CLEC2A: variants seen among roughly 807,000 people sequenced by gnomAD.
The protein encoded by CLEC2A is C-type lectin domain family 2 member A.
Under a neutral mutation model 18.6 loss-of-function variants are expected in CLEC2A, and 19 were observed. That is an observed-to-expected ratio of 1.02 (90% CI 0.71 to 1.50). The LOEUF is 1.50. Ranked by LOEUF, CLEC2A falls within the 40% of genes most tolerant of loss-of-function variation. CLEC2A has a pLI of 0.00. For missense variants in CLEC2A, 190 were observed against 207.9 expected (o/e 0.91, Z 0.53); for synonymous variants, 74 against 64.0 (o/e 1.16, Z -0.75).
chr12:9,924,928 A>G (rs1396128243), intron 2 of CLEC2A, among the ~76,000 whole-genome samples: 1 of 152,244 alleles, frequency 6.6e-6, no homozygotes, highest in Non-Finnish European at 1.5e-5. Context: ...CCAGAAGGAA[A>G]GCAACATTCT....
rs1276293109 is a variant in CLEC2A at position 9,932,344 on chromosome 12, C to T, written c.-15G>A. ...GGATTAATCATGGCAAGGCGCTAAC[C>T]GATGGAGATCAGTAGGAGAGGACTA... On this transcript the variant is annotated 5_prime_UTR_variant, in exon 1 of 5. Transcript: ENST00000455827. The T allele has an allele frequency of 7.1e-6, 11 of 1,551,582 alleles. No homozygotes were observed. The highest frequency in any genetic ancestry group is 9.6e-6 in the Non-Finnish European group (11 of 1,146,866).
chr12:9,913,323 G>T lies in CLEC2A; in HGVS notation c.*243C>A. 2.1e-6 allele frequency: 1 copy of T among 475,418 alleles called. No individual in the cohort carries two copies. The highest frequency in any genetic ancestry group is 3.4e-6 in the Non-Finnish European group (1 of 297,242). 29.4% of individuals were successfully genotyped at this position (475,418 alleles called of 1,614,324 possible). A position where few individuals can be genotyped will look rare whatever the true frequency, so the allele number is the denominator to read the frequency against. Reference sequence around the variant, plus strand: ...GGGATGGAGCCATCCATCAGGAGGTGATTAGTTCATGAGGATGGAGCCATA... The same window carrying T: ...GGGATGGAGCCATCCATCAGGAGGTTATTAGTTCATGAGGATGGAGCCATA... On this transcript the variant is annotated 3_prime_UTR_variant, in exon 5 of 5. Transcript: ENST00000455827.
At chr12:9,923,249 C>T (rs1259843857) in intron 2 of CLEC2A, among the ~76,000 whole-genome samples, 1 of 151,958 alleles carries the variant, frequency 6.6e-6, no homozygotes, top group Non-Finnish European at 1.5e-5. Context: ...AAAAACAATC[C>T]CATCAAAAAG....
downstream of CLEC2A, among the ~76,000 whole-genome samples, chr12:9,909,095 A>T (rs1165494444): frequency 6.6e-6 from 1 of 152,148 alleles, no homozygotes; most frequent in Admixed American, 6.5e-5. Flanking sequence ...AAGCTTTAAC[A>T]TTCCTTGTCC....
At chr12:9,891,683 T>C in the CLEC2A span, among the ~76,000 whole-genome samples, 1 of 152,182 alleles carries the variant, frequency 6.6e-6, no homozygotes, top group Non-Finnish European at 1.5e-5. Context: ...TTTTTTTAAA[T>C]TACAATTTTT....
intron 4 of CLEC2A, among the ~76,000 whole-genome samples, chr12:9,904,912 A>G (rs1376694699): frequency 6.6e-6 from 1 of 152,190 alleles, no homozygotes; most frequent in Non-Finnish European, 1.5e-5. Flanking sequence ...TCCAGTCACC[A>G]CAGGGACTTT....
chr12:9,894,057 T>C (rs758307163), downstream of CLEC2A, among the ~76,000 whole-genome samples: 39 of 152,104 alleles, frequency 2.6e-4, no homozygotes, highest in Non-Finnish European at 5.4e-4. Context: ...TTTCTTTCTC[T>C]TTCTCTTTTT....
At chr12:9,893,134 C>A in the CLEC2A span, 3 of 1,534,544 alleles carry the variant, frequency 2.0e-6, no homozygotes, top group Non-Finnish European at 2.6e-6. Context: ...CAGCTACAGG[C>A]ACATTTACTG....
chr12:9,899,351 T>G (rs1269869181), intron 4 of CLEC2A, among the ~76,000 whole-genome samples: 1 of 152,054 alleles, frequency 6.6e-6, no homozygotes, highest in Non-Finnish European at 1.5e-5. Context: ...TCCCGTAGTA[T>G]GGAGACACAA....
At chr12:9,882,297 T>C in the CLEC2A span, among the ~76,000 whole-genome samples, 1 of 152,164 alleles carries the variant, frequency 6.6e-6, no homozygotes, top group Non-Finnish European at 1.5e-5. Context: ...AACATTCTCG[T>C]GTACAATCTC....
intron 3 of CLEC2A, among the ~76,000 whole-genome samples, chr12:9,921,205 C>A (rs1863167391): frequency 6.6e-6 from 1 of 152,178 alleles, no homozygotes; most frequent in South Asian, 2.1e-4. Context: ...GTTGAGCACA[C>A]ATTGTCATAC....
At chr12:9,902,802 T>G (rs1033100459) in intron 4 of CLEC2A, among the ~76,000 whole-genome samples, 1 of 152,128 alleles carries the variant, frequency 6.6e-6, no homozygotes, top group Non-Finnish European at 1.5e-5. Context: ...AGTAAGGGTT[T>G]TTATTCCTAA....
intron 4 of CLEC2A, among the ~76,000 whole-genome samples, chr12:9,906,029 T>TG (rs1011831143): frequency 6.6e-6 from 1 of 151,320 alleles, no homozygotes; most frequent in African/African-American, 2.4e-5. Flanking sequence ...AGTTTTGTTT[T>TG]TTTTTTTTTT....
chr12:9,922,354 C>T (rs967166541), intron 2 of CLEC2A, 122 bp from the exon 3 acceptor site: 4 of 670,662 alleles, frequency 6.0e-6, no homozygotes, highest in Admixed American at 3.6e-5. Flanking sequence ...AGCTTCCCCC[C>T]TCCCCAGAAT....
At chr12:9,893,575 G>A in the CLEC2A span, 4 of 792,170 alleles carry the variant, frequency 5.0e-6, no homozygotes, top group South Asian at 5.8e-5. Flanking sequence ...GGGTGCTAAT[G>A]TTTATAGAAT....
At position 9,923,762 on chromosome 12, in the gene CLEC2A, G is replaced by GGGC. The variant is rs1863214629; in HGVS notation, c.140-1531_140-1530insGCC. The stretch of plus-strand genomic sequence containing the variant: ...ACTATGCAGCCTTAAAAAAGGATGA[G>GGGC]TTCATGTCCTTTGTAGGGACATGGA... On this transcript the variant is annotated intron_variant, in intron 2 of 4. Coordinates refer to ENST00000455827, the MANE Select transcript of CLEC2A (RefSeq NM_001130711.2). Among the ~76,000 whole-genome samples the GGGC allele has an allele frequency of 2.0e-5, 3 of 152,172 alleles. No individual in the cohort carries two copies. The South Asian group carries it at 6.2e-4, about 31-fold the overall frequency.
chr12:9,917,326 G>T (rs956619045), intron 3 of CLEC2A, among the ~76,000 whole-genome samples: 1 of 152,070 alleles, frequency 6.6e-6, no homozygotes, highest in Non-Finnish European at 1.5e-5. Context: ...CAAGTATTAA[G>T]CCCACTAACC....
At chr12:9,916,635 A>C in intron 4 of CLEC2A, 65 bp downstream of exon 4, 1 of 1,053,244 alleles carries the variant, frequency 9.5e-7, no homozygotes, top group Non-Finnish European at 1.4e-6. Context: ...TACAACTCAA[A>C]ATGATTTAAA....
chr12:9,901,003 C>T (rs1591783235), intron 4 of CLEC2A, among the ~76,000 whole-genome samples: 1 of 152,076 alleles, frequency 6.6e-6, no homozygotes, highest in East Asian at 1.9e-4. Flanking sequence ...AAACATGCTC[C>T]AGGTCTTGAT....
Sources: gnomAD v4.1 joint callset for allele counts (sites outside exome capture counted in the v4.1 genomes callset) on GRCh38, gnomAD v4.1.1 for gene constraint, MANE v1.5 for transcripts, NCBI Gene and HGNC (gene_info 2026-07-23, HGNC 2026-07-21) for gene names.